ERC1: variants seen among roughly 807,000 people sequenced by gnomAD.
ERC1 encodes RAB6 interacting protein 2.
ERC1 carries 56 observed loss-of-function variants against 132.0 expected under a neutral mutation model. The ratio of observed to expected loss-of-function variants is 0.42; its 90% CI spans 0.34 to 0.53. ERC1 has a LOEUF of 0.53. Among genes scored for constraint, ERC1 ranks in the 20% least tolerant of loss-of-function variants. ERC1 has a pLI of 0.03. For missense variants in ERC1, 1,202 were observed against 1,349.9 expected, an observed-to-expected ratio of 0.89 and a Z score of 1.72; for synonymous variants, 478 against 476.1, an observed-to-expected ratio of 1.00 and a Z score of -0.05.
chr12:1,414,190 C>T (rs902301958), intron 17 of ERC1, among the ~76,000 whole-genome samples: 9 of 152,294 alleles, frequency 5.9e-5, no homozygotes, highest in African/African-American at 2.2e-4. Context: ...TGGTTCAGGG[C>T]CCTGGGGTTG....
intron 7 of ERC1, among the ~76,000 whole-genome samples, chr12:1,127,631 G>GT (rs894949639): frequency 4.6e-5 from 7 of 151,556 alleles, no homozygotes; most frequent in African/African-American, 1.5e-4. Flanking sequence ...CATCCATCCC[G>GT]TTTTTTAAAA....
At chr12:1,257,284 A>G (rs61912031) in intron 13 of ERC1, 29,648 of 152,116 alleles carry the variant, frequency 0.19, 3,363 homozygotes, top group Non-Finnish European at 0.26. Context: ...CTTGACTACC[A>G]CCTCATAAGA....
At chr12:1,061,747 C>G (rs1937969240) in intron 2 of ERC1, among the ~76,000 whole-genome samples, 1 of 149,406 alleles carries the variant, frequency 6.7e-6, no homozygotes, top group Non-Finnish European at 1.5e-5. Flanking sequence ...CTCTTGCTTT[C>G]TCTTTCTCTC....
chr12:1,194,525 C>CGGACA (rs1956041120), intron 12 of ERC1, among the ~76,000 whole-genome samples: 1 of 152,136 alleles, frequency 6.6e-6, no homozygotes, highest in African/African-American at 2.4e-5. Flanking sequence ...TCACGCTGTC[C>CGGACA]ATCTTAGCTG....
At chr12:1,274,920 T>C (rs758445410) in intron 14 of ERC1, among the ~76,000 whole-genome samples, 1 of 152,162 alleles carries the variant, frequency 6.6e-6, no homozygotes, top group Non-Finnish European at 1.5e-5. Flanking sequence ...ACCCTAATGA[T>C]GGAAATAGTT....
At chr12:1,321,161 C>A (rs1200998254) in intron 15 of ERC1, among the ~76,000 whole-genome samples, 4 of 152,178 alleles carry the variant, frequency 2.6e-5, no homozygotes, top group Non-Finnish European at 5.9e-5. Flanking sequence ...ATTAAGGGTA[C>A]ACTGTGACTT....
chr12:1,480,976 C>T lies in ERC1; in HGVS notation c.3214-9117C>T, dbSNP rs2094079251. On this transcript the variant is annotated intron_variant, in intron 18 of 18. Transcript: ENST00000360905. ...GCAAGCTCCCCAGTGGATGCTGAAA[C>T]TGTGGATGGTACTGAAGCCTATAGA... The T allele has an allele frequency of 5.7e-6, 4 of 699,892 alleles. No individual in the cohort carries two copies. The Admixed American group carries it at 8.0e-5, about 14-fold the overall frequency. The allele number at this position is 699,892 out of a possible 1,614,324, so 43.4% of individuals were successfully genotyped here.
intron 15 of ERC1, among the ~76,000 whole-genome samples, chr12:1,322,397 C>T (rs1211095194): frequency 6.6e-6 from 1 of 152,140 alleles, no homozygotes; most frequent in East Asian, 1.9e-4. Flanking sequence ...GAGACTGGAT[C>T]CATCACTTTG....
intron 15 of ERC1, among the ~76,000 whole-genome samples, chr12:1,313,028 T>G (rs1337117111): frequency 6.6e-6 from 1 of 152,156 alleles, no homozygotes; most frequent in Non-Finnish European, 1.5e-5. Flanking sequence ...AAGAAAAGAT[T>G]AATAGAATAA....
chr12:1,425,441 C>T (rs2092605399), intron 17 of ERC1, among the ~76,000 whole-genome samples: 1 of 152,192 alleles, frequency 6.6e-6, no homozygotes, highest in African/African-American at 2.4e-5. Context: ...TTCTCACCAG[C>T]CCAAATTCCT....
intron 14 of ERC1, among the ~76,000 whole-genome samples, chr12:1,280,079 C>G (rs187777993): frequency 9.9e-5 from 15 of 152,282 alleles, no homozygotes; most frequent in African/African-American, 3.6e-4. Flanking sequence ...TGTGGTGGAT[C>G]TATACCAAGG....
At chr12:1,424,360 C>G (rs1309512660) in intron 17 of ERC1, among the ~76,000 whole-genome samples, 1 of 152,118 alleles carries the variant, frequency 6.6e-6, no homozygotes, top group Admixed American at 6.5e-5. Flanking sequence ...CACCTTATGA[C>G]CTTTGGCTAC....
intron 2 of ERC1, among the ~76,000 whole-genome samples, chr12:1,079,103 G>C (rs1300105654): frequency 1.3e-5 from 2 of 150,326 alleles, no homozygotes; most frequent in Non-Finnish European, 3.0e-5. Context: ...TATGACAAAA[G>C]TCGATATACA....
chr12:1,039,199 T>C (rs1484529216), intron 2 of ERC1, among the ~76,000 whole-genome samples: 5 of 151,386 alleles, frequency 3.3e-5, no homozygotes, highest in Non-Finnish European at 7.4e-5. Flanking sequence ...TAGCTGGGCG[T>C]GGTGGTGGGC....
At chr12:1,009,526 G>C (rs1214168114) in intron 1 of ERC1, among the ~76,000 whole-genome samples, 2 of 152,114 alleles carry the variant, frequency 1.3e-5, no homozygotes, top group Non-Finnish European at 1.5e-5. Context: ...GCAACTTACT[G>C]GGCCTAATAC....
At position 1,494,889 on chromosome 12, in the gene ERC1, C is replaced by T. The variant is rs758468856; in HGVS notation, c.*4659C>T. On this transcript the variant is annotated 3_prime_UTR_variant, in exon 19 of 19. Coordinates refer to ENST00000360905, the MANE Select transcript of ERC1 (RefSeq NM_178040.4). ...TCAAGCTATGGGGCAGCCACACTCC[C>T]CTCCTCCCAGGCTGGCATAGGTGGC... 7.4e-4 allele frequency: 171 copies of T among 230,528 alleles called. No individual in the cohort carries two copies. Among genetic ancestry groups the T allele is most frequent in the Non-Finnish European group, 1.2e-3 (143 of 116,408 alleles). The allele number at this position is 230,528 out of a possible 1,614,324, so 14.3% of individuals were successfully genotyped here.
chr12:1,442,230 A>G (rs556999731), intron 17 of ERC1, among the ~76,000 whole-genome samples: 1 of 152,320 alleles, frequency 6.6e-6, no homozygotes, highest in African/African-American at 2.4e-5. Context: ...GCCCGACCAC[A>G]AGTATACATG....
chr12:990,772 G>C (rs889723908), upstream of ERC1: 2 of 152,124 alleles, frequency 1.3e-5, no homozygotes, highest in Non-Finnish European at 1.5e-5. Flanking sequence ...GGGCGTAACG[G>C]GCCACGAGAA....
At chr12:1,388,183 G>A (rs564660332) in intron 16 of ERC1, among the ~76,000 whole-genome samples, 1 of 151,890 alleles carries the variant, frequency 6.6e-6, no homozygotes, top group Admixed American at 6.6e-5. Context: ...CCCTGTCTCT[G>A]TTAAAAATAC....
Sources: gnomAD v4.1 joint callset for allele counts (sites outside exome capture counted in the v4.1 genomes callset) on GRCh38, gnomAD v4.1.1 for gene constraint, MANE v1.5 for transcripts, NCBI Gene and HGNC (gene_info 2026-07-23, HGNC 2026-07-21) for gene names.